The following FANCM variants were observed in gnomAD, a reference collection of about 807,000 sequenced individuals.
The protein encoded by FANCM is Fanconi anemia group M protein.
FANCM carries 140 observed loss-of-function variants against 199.5 expected under a neutral mutation model. The observed-to-expected ratio is 0.70, with a 90% CI of 0.61 to 0.81. FANCM has a LOEUF of 0.81. Among genes scored for constraint, FANCM ranks in the 30% least tolerant of loss-of-function variants. The pLI is 0.00. For synonymous variants in FANCM, 840 were observed against 836.8 expected (o/e 1.00, Z -0.07); for missense variants, 2,410 against 2,421.4 (o/e 1.00, Z 0.10).
At chr14:45,144,419 T>C (rs1032705745) in intron 3 of FANCM, among the ~76,000 whole-genome samples, 1 of 151,278 alleles carries the variant, frequency 6.6e-6, no homozygotes, top group Non-Finnish European at 1.5e-5. Flanking sequence ...AGTTAGAACG[T>C]GTGAAGTTTG....
chr14:45,188,801 G>A lies in FANCM; in HGVS notation c.4780-1G>A. 6.2e-7 allele frequency: 1 copy of A among 1,604,334 alleles called. No homozygotes were observed. Among genetic ancestry groups the A allele is most frequent in the Non-Finnish European group, 8.5e-7 (1 of 1,172,612 alleles). On this transcript the variant is annotated splice_acceptor_variant, in intron 19 of 22. Transcript: ENST00000267430. LOFTEE classifies it high-confidence loss of function. ...AAAACATTCTTGTGTTTTTATTGTA[G>A]ATTCCTGAACAAGATGAAACCTATT...
At chr14:45,178,618 G>A (rs1283071264) in intron 14 of FANCM, among the ~76,000 whole-genome samples, 1 of 152,124 alleles carries the variant, frequency 6.6e-6, no homozygotes, top group African/African-American at 2.4e-5. Flanking sequence ...TACTATAGCC[G>A]AGTCCTGCAT....
At chr14:45,162,885 G>A (rs1243010784) in intron 9 of FANCM, among the ~76,000 whole-genome samples, 1 of 151,138 alleles carries the variant, frequency 6.6e-6, no homozygotes, top group Non-Finnish European at 1.5e-5. Context: ...CTTTATCTGG[G>A]CAAAAAGGAC....
intron 11 of FANCM, 120 bp downstream of exon 11, chr14:45,167,283 G>A (rs1888052743): frequency 1.4e-6 from 1 of 706,830 alleles, no homozygotes; most frequent in African/African-American, 1.8e-5. Flanking sequence ...ATATATTATA[G>A]GCATTCTCTT....
chr14:45,150,635 T>G, intron 4 of FANCM, among the ~76,000 whole-genome samples: 1 of 152,238 alleles, frequency 6.6e-6, no homozygotes, highest in East Asian at 1.9e-4. Flanking sequence ...TAGACATACC[T>G]TATCATTCAC....
At chr14:45,155,711 A>G (rs1291628304) in intron 8 of FANCM, among the ~76,000 whole-genome samples, 1 of 152,256 alleles carries the variant, frequency 6.6e-6, no homozygotes, top group Non-Finnish European at 1.5e-5. Flanking sequence ...AGGTAGGAGA[A>G]TCGCTTGAAC....
chr14:45,140,775 T>G (rs1286579713), intron 3 of FANCM, 66 bp downstream of exon 3: 1 of 974,662 alleles, frequency 1.0e-6, no homozygotes, highest in Non-Finnish European at 1.6e-6. Context: ...GTGCAGTGAG[T>G]CATACCTGTA....
chr14:45,176,468 T>G lies in FANCM; in HGVS notation c.3714T>G (p.Ser1238Arg). 1 of 1,611,148 alleles carries G rather than the reference T, an allele frequency of 6.2e-7. No individual in the cohort carries two copies. Among genetic ancestry groups the G allele is most frequent in the South Asian group, 1.1e-5 (1 of 90,606 alleles). Reference protein sequence around the residue: ...FSVTFDLGFCSPDSDDEILEH... With the variant: ...FSVTFDLGFCRPDSDDEILEH... Reference sequence around the variant, plus strand: ...TTACCTTTGATTTAGGATTCTGTAGTCCAGATTCTGATGATGAAATATTGG... The same window carrying G: ...TTACCTTTGATTTAGGATTCTGTAGGCCAGATTCTGATGATGAAATATTGG... Residue 1238 changes from serine (S) to arginine (R), a missense_variant, in exon 14 of 23, where the codon AGT (serine) becomes AGG (arginine). Ser to Arg is a moderately radical substitution (Grantham distance 110, BLOSUM62 -1). Coordinates refer to ENST00000267430, the MANE Select transcript of FANCM (RefSeq NM_020937.4).
chr14:45,192,129 G>A (rs1179223640), intron 20 of FANCM, among the ~76,000 whole-genome samples: 1 of 152,146 alleles, frequency 6.6e-6, no homozygotes, highest in Non-Finnish European at 1.5e-5. Context: ...AAGATAGAAA[G>A]TCCATCTTAA....
Position 45,198,739 on chromosome 14 carries a change from CA to C in FANCM, c.5814del (p.Glu1939LysfsTer7). On this transcript the variant is annotated frameshift_variant, in exon 22 of 23. Coordinates refer to ENST00000267430, the MANE Select transcript of FANCM (RefSeq NM_020937.4). LOFTEE classifies it high-confidence loss of function. ...AGIRILFSSC[Q>X]EETADLLKEL... The stretch of plus-strand genomic sequence containing the variant: ...AATCCGAATTCTTTTCAGTTCCTGC[CA>C]AGAAGAAACCGCAGATTTGCTAAAG... 1 of 1,613,664 alleles carries C rather than the reference CA, an allele frequency of 6.2e-7. No individual in the cohort carries two copies. Among genetic ancestry groups the C allele is most frequent in the Non-Finnish European group, 8.5e-7 (1 of 1,179,784 alleles).
chr14:45,141,375 C>G (rs1298389331), intron 3 of FANCM, among the ~76,000 whole-genome samples: 2 of 150,830 alleles, frequency 1.3e-5, no homozygotes, highest in Non-Finnish European at 2.9e-5. Flanking sequence ...GGGGCCAGAT[C>G]AGTTTTCCAT....
chr14:45,182,793 A>G, intron 16 of FANCM, among the ~76,000 whole-genome samples: 1 of 152,226 alleles, frequency 6.6e-6, no homozygotes, highest in Non-Finnish European at 1.5e-5. Context: ...TTGTATGTTG[A>G]AAATGCATTT....
At position 45,167,153 on chromosome 14, in the gene FANCM, C is replaced by T; in HGVS notation, c.1992C>T (p.Ser664=). 1 of 1,603,956 alleles carries T rather than the reference C, an allele frequency of 6.2e-7. No individual in the cohort carries two copies. Among genetic ancestry groups the T allele is most frequent in the Admixed American group, 1.7e-5 (1 of 59,998 alleles). The change falls in exon 11 of 23, where the codon TCC becomes TCT. Residue 664 remains serine, a synonymous_variant. Coordinates refer to ENST00000267430, the MANE Select transcript of FANCM (RefSeq NM_020937.4). ...TGCAGCGAAAGTCATCTATCTTTTC[C>T]TATAGGGATGGTAAATAAATTTTGC... The part of the protein sequence containing the change: ...RNLQRKSSIF[S]YRDGMRQSSL...
chr14:45,188,488 G>T (rs893260625), intron 19 of FANCM, among the ~76,000 whole-genome samples: 4 of 152,084 alleles, frequency 2.6e-5, no homozygotes, highest in African/African-American at 9.7e-5. Context: ...GCCATGTTCA[G>T]CTTGGTAATG....
At chr14:45,159,454 T>C (rs1437413018) in intron 9 of FANCM, among the ~76,000 whole-genome samples, 174 bp downstream of exon 9, 1 of 152,070 alleles carries the variant, frequency 6.6e-6, no homozygotes, top group African/African-American at 2.4e-5. Flanking sequence ...TTTTATGTGG[T>C]TTTGGAACTT....
Position 45,147,482 on chromosome 14 carries a change from T to G in FANCM, c.760-1355T>G, listed in dbSNP as rs145733599. On this transcript the variant is annotated intron_variant, in intron 3 of 22. Coordinates refer to ENST00000267430, the MANE Select transcript of FANCM (RefSeq NM_020937.4). The stretch of plus-strand genomic sequence containing the variant: ...TTTTTTTGTAGATATGGGGTCTCAC[T>G]ATGTTGCCCAGGGTGGTTTCAAATT... Among the ~76,000 whole-genome samples the G allele has an allele frequency of 3.5e-3, 526 of 152,186 alleles. 8 individuals are homozygous for G. Among genetic ancestry groups the G allele is most frequent in the African/African-American group, 0.012 (507 of 41,518 alleles).
At chr14:45,171,691 TTGTGTGTGTG>T (rs3036344) in intron 12 of FANCM, among the ~76,000 whole-genome samples, 5 of 146,528 alleles carry the variant, frequency 3.4e-5, no homozygotes, top group Admixed American at 6.9e-5. Flanking sequence ...GTAGTCCATG[TTGTGTGTGTG>T]TGTGTGTGTG....
At chr14:45,157,598 A>G (rs942827400) in intron 8 of FANCM, among the ~76,000 whole-genome samples, 1 of 152,208 alleles carries the variant, frequency 6.6e-6, no homozygotes, top group Non-Finnish European at 1.5e-5. Flanking sequence ...AATGAGGGTA[A>G]AAAGGCAGGC....
intron 10 of FANCM, among the ~76,000 whole-genome samples, chr14:45,165,553 A>G (rs1433624162): frequency 6.6e-6 from 1 of 152,174 alleles, no homozygotes; most frequent in East Asian, 1.9e-4. Context: ...ATCTCCAGAA[A>G]GAAAAAAACA....
Sources: gnomAD v4.1 joint callset for allele counts (sites outside exome capture counted in the v4.1 genomes callset) on GRCh38, gnomAD v4.1.1 for gene constraint, MANE v1.5 for transcripts, NCBI Gene and HGNC (gene_info 2026-07-23, HGNC 2026-07-21) for gene names.